Variants in EXOC4 observed in about 807,000 individuals in gnomAD.
EXOC4 encodes the protein SEC8-like 1.
EXOC4 carries 71 observed loss-of-function variants against 107.2 expected under a neutral mutation model. The observed-to-expected ratio is 0.66, with a 90% CI of 0.55 to 0.81. EXOC4 has a LOEUF of 0.81. Among genes scored for constraint, EXOC4 ranks in the 30% least tolerant of loss-of-function variants. EXOC4 has a pLI of 0.00. For missense variants in EXOC4, 1,108 were observed against 1,189.6 expected (o/e 0.93, Z 1.01); for synonymous variants, 456 against 441.2 (o/e 1.03, Z -0.42).
chr7:133,657,336 AT>A (rs1208665054), intron 10 of EXOC4, among the ~76,000 whole-genome samples: 2 of 152,002 alleles, frequency 1.3e-5, no homozygotes, highest in African/African-American at 2.4e-5. Flanking sequence ...ACTTCCGAGC[AT>A]TTTTTTTAGC....
At chr7:133,442,024 A>G (rs1798117002) in intron 7 of EXOC4, among the ~76,000 whole-genome samples, 1 of 152,248 alleles carries the variant, frequency 6.6e-6, no homozygotes. Flanking sequence ...CCACTTGGTC[A>G]TTCAGATCTA....
At chr7:133,747,299 C>T (rs1024229752) in intron 10 of EXOC4, among the ~76,000 whole-genome samples, 4 of 152,016 alleles carry the variant, frequency 2.6e-5, no homozygotes, top group Non-Finnish European at 5.9e-5. Flanking sequence ...AGTATTGCAG[C>T]GAACACACCT....
intron 9 of EXOC4, among the ~76,000 whole-genome samples, chr7:133,542,169 T>TTGTGTG (rs3046171): frequency 0.22 from 33,000 of 146,884 alleles, 4,822 homozygotes; most frequent in African/African-American, 0.43. Flanking sequence ...AAATTTTATC[T>TTGTGTG]TGTGTGTGTG....
chr7:133,853,991 T>G (rs1420487486), intron 11 of EXOC4, among the ~76,000 whole-genome samples: 2 of 152,140 alleles, frequency 1.3e-5, no homozygotes, highest in East Asian at 3.9e-4. Context: ...ACATTGACTG[T>G]TTCCATTTGC....
intron 14 of EXOC4, among the ~76,000 whole-genome samples, chr7:133,979,800 A>G (rs752477073): frequency 1.4e-4 from 22 of 152,088 alleles, no homozygotes; most frequent in Non-Finnish European, 2.9e-5. Context: ...AAAAAAAGAA[A>G]AAAAAACCCT....
rs753150357 is a variant in EXOC4, at chr7:133,317,291, G to A, written c.664G>A (p.Val222Met). Residue 222 changes from valine (V) to methionine (M), a missense_variant, in exon 5 of 18, where the codon GTG becomes ATG. Physicochemically the swap from Val to Met is conservative, Grantham distance 21. Coordinates refer to ENST00000253861, the MANE Select transcript of EXOC4 (RefSeq NM_021807.4). ...NKEKGKISSLVKDASVPLIDV... is the reference protein window; with the variant it reads ...NKEKGKISSLMKDASVPLIDV... ...GCTTCTTTTCCCGTTCAGCTCCCTC[G>A]TGAAAGATGCTTCTGTTCCTCTGAT... 4 of 1,612,198 alleles carry A rather than the reference G, an allele frequency of 2.5e-6. No individual in the cohort carries two copies. The highest frequency in any genetic ancestry group is 1.7e-4 in the Middle Eastern group (1 of 6,058).
chr7:133,899,385 C>A (rs1243309954), intron 12 of EXOC4, among the ~76,000 whole-genome samples: 1 of 152,234 alleles, frequency 6.6e-6, no homozygotes, highest in African/African-American at 2.4e-5. Context: ...TCCTGCCTCT[C>A]AAGATGTCAA....
intron 12 of EXOC4, among the ~76,000 whole-genome samples, chr7:133,897,334 A>G (rs887693335): frequency 6.6e-6 from 1 of 152,168 alleles, no homozygotes; most frequent in Non-Finnish European, 1.5e-5. Flanking sequence ...ACTTATATTT[A>G]GGTTAAAATC....
At chr7:133,837,741 CT>C (rs1797946786) in intron 11 of EXOC4, among the ~76,000 whole-genome samples, 1 of 152,184 alleles carries the variant, frequency 6.6e-6, no homozygotes, top group Non-Finnish European at 1.5e-5. Context: ...CTAAGTTTCA[CT>C]GTTTATTGGT....
chr7:133,877,242 C>G (rs909654305), intron 11 of EXOC4, among the ~76,000 whole-genome samples: 1 of 152,180 alleles, frequency 6.6e-6, no homozygotes, highest in Admixed American at 6.5e-5. Context: ...TGTCTATTAT[C>G]TGTGTCATCC....
At chr7:134,061,528 A>G (rs947427926) in intron 17 of EXOC4, among the ~76,000 whole-genome samples, 16 of 152,144 alleles carry the variant, frequency 1.1e-4, no homozygotes, top group Admixed American at 4.6e-4. Flanking sequence ...ATTCTTAGGT[A>G]CCCTAAAGTT....
At chr7:133,571,386 A>G (rs1801020690) in intron 9 of EXOC4, among the ~76,000 whole-genome samples, 1 of 152,178 alleles carries the variant, frequency 6.6e-6, no homozygotes, top group Non-Finnish European at 1.5e-5. Context: ...TAAAAAAGAG[A>G]AATTTAGGCC....
intron 12 of EXOC4, among the ~76,000 whole-genome samples, chr7:133,904,610 G>A (rs1174674710): frequency 5.3e-5 from 8 of 152,156 alleles, no homozygotes; most frequent in Non-Finnish European, 4.4e-5. Context: ...ACATCTCAGG[G>A]GATTATCTGG....
At chr7:133,505,638 TC>T (rs1799652741) in intron 9 of EXOC4, among the ~76,000 whole-genome samples, 2 of 152,146 alleles carry the variant, frequency 1.3e-5, no homozygotes, top group Non-Finnish European at 2.9e-5. Context: ...GTTAGATATC[TC>T]GTGCCCATTC....
intron 9 of EXOC4, among the ~76,000 whole-genome samples, chr7:133,524,622 G>C (rs1800045624): frequency 6.6e-6 from 1 of 151,034 alleles, no homozygotes; most frequent in South Asian, 2.1e-4. Flanking sequence ...TTTGTATAAG[G>C]TGTAAGGAAG....
chr7:133,704,167 G>C (rs1794721363), intron 10 of EXOC4, among the ~76,000 whole-genome samples: 1 of 152,162 alleles, frequency 6.6e-6, no homozygotes, highest in South Asian at 2.1e-4. Context: ...TGCCCAGGCT[G>C]GTCTTGACCT....
intron 11 of EXOC4, among the ~76,000 whole-genome samples, chr7:133,850,636 C>CCG (rs1563026250): frequency 6.7e-6 from 1 of 148,834 alleles, no homozygotes; most frequent in Non-Finnish European, 1.5e-5. Flanking sequence ...TCTAGGTTAC[C>CCG]CCCCCACACA....
At chr7:133,684,702 G>A (rs10954426) in intron 10 of EXOC4, among the ~76,000 whole-genome samples, 150,055 of 152,316 alleles carry the variant, frequency 0.99, 73,963 homozygotes, top group Middle Eastern at 1. Context: ...ACCTTCTTTA[G>A]AGAGTAAGCG....
At chr7:133,512,011 T>C (rs1435209537) in intron 9 of EXOC4, among the ~76,000 whole-genome samples, 3 of 152,188 alleles carry the variant, frequency 2.0e-5, no homozygotes, top group Non-Finnish European at 4.4e-5. Context: ...AATTCAGATG[T>C]CGATGAGACA....
Sources: allele counts gnomAD v4.1 joint callset (sites outside exome capture counted in the v4.1 genomes callset), GRCh38; gene constraint gnomAD v4.1.1; transcripts MANE v1.5; gene names NCBI Gene and HGNC (gene_info 2026-07-23, HGNC 2026-07-21).